GRIN2A: variants seen among roughly 807,000 people sequenced by gnomAD.
The protein encoded by GRIN2A is glutamate receptor ionotropic, NMDA 2A.
GRIN2A carries 22 observed loss-of-function variants against 113.4 expected under a neutral mutation model. The ratio of observed to expected loss-of-function variants is 0.19; its 90% CI spans 0.14 to 0.28. The LOEUF (loss-of-function observed/expected upper bound fraction) is 0.28, where lower values mean the gene tolerates loss of function less well. GRIN2A is among the 10% of genes least tolerant of loss of function. GRIN2A has a pLI of 1.00. For missense variants in GRIN2A, 1,502 were observed against 1,887.0 expected, an observed-to-expected ratio of 0.80 and a Z score of 3.78; for synonymous variants, 827 against 738.4, an observed-to-expected ratio of 1.12 and a Z score of -1.94.
At chr16:9,854,318 C>T (rs1049747792) in intron 4 of GRIN2A, among the ~76,000 whole-genome samples, 7 of 151,748 alleles carry the variant, frequency 4.6e-5, no homozygotes, top group Admixed American at 6.6e-5. Context: ...TGAGGGTGGC[C>T]GTCTGAATAG....
At chr16:10,156,272 G>C (rs2049692784) in intron 2 of GRIN2A, among the ~76,000 whole-genome samples, 1 of 152,208 alleles carries the variant, frequency 6.6e-6, no homozygotes, top group South Asian at 2.1e-4. Flanking sequence ...CCATAATGCT[G>C]GGCTGCCTGA....
intron 2 of GRIN2A, chr16:10,112,019 T>A: frequency 1.5e-6 from 1 of 648,474 alleles, no homozygotes; most frequent in Non-Finnish European, 2.8e-6. Flanking sequence ...TGGTCAATGA[T>A]CGCCATGAGC....
intron 5 of GRIN2A, among the ~76,000 whole-genome samples, chr16:9,847,832 T>C (rs1193616757): frequency 1.3e-5 from 2 of 148,420 alleles, no homozygotes; most frequent in Admixed American, 6.7e-5. Flanking sequence ...TTCCATGATG[T>C]ATTCAGGATT....
chr16:10,086,364 T>C (rs2048085090), intron 2 of GRIN2A, among the ~76,000 whole-genome samples: 1 of 151,994 alleles, frequency 6.6e-6, no homozygotes, highest in African/African-American at 2.4e-5. Context: ...CCAAAAATAA[T>C]TGTTCCTTGG....
At chr16:9,860,637 T>G (rs1302666170) in intron 4 of GRIN2A, among the ~76,000 whole-genome samples, 1 of 151,970 alleles carries the variant, frequency 6.6e-6, no homozygotes, top group African/African-American at 2.4e-5. Flanking sequence ...AGTGCAGAGA[T>G]AGAGTTTGTA....
intron 2 of GRIN2A, chr16:10,112,613 G>T (rs1026373460): frequency 1.1e-4 from 88 of 771,014 alleles, no homozygotes; most frequent in East Asian, 2.4e-4. Flanking sequence ...AGAAGTACTG[G>T]GGCATGGGCT....
chr16:10,112,953 C>T (rs923596832), intron 2 of GRIN2A: 1 of 375,168 alleles, frequency 2.7e-6, no homozygotes, highest in Non-Finnish European at 5.2e-6. Context: ...CAACCTCTCT[C>T]CATAACTGAG....
chr16:10,140,835 G>T (rs2049312785), intron 2 of GRIN2A, among the ~76,000 whole-genome samples: 1 of 152,180 alleles, frequency 6.6e-6, no homozygotes. Context: ...GAATAAAGAT[G>T]CAACACTTCT....
chr16:9,769,451 C>CTTTTTTTTTTTTTTTTTTTTGTT (rs1901126611), intron 11 of GRIN2A, among the ~76,000 whole-genome samples: 5 of 104,890 alleles, frequency 4.8e-5, no homozygotes, highest in South Asian at 3.9e-4. Context: ...GGAGTTTTGT[C>CTTTTTTTTTTTTTTTTTTTTGTT]TTTTTTTTTT....
intron 4 of GRIN2A, among the ~76,000 whole-genome samples, chr16:9,874,054 C>T (rs1053535669): frequency 9.9e-5 from 15 of 152,180 alleles, no homozygotes; most frequent in Non-Finnish European, 4.4e-5. Flanking sequence ...TTTTCCCCAA[C>T]TTTAGATTTT....
chr16:9,792,830 C>T (rs768217005), intron 11 of GRIN2A, among the ~76,000 whole-genome samples: 3 of 152,152 alleles, frequency 2.0e-5, no homozygotes, highest in East Asian at 1.9e-4. Flanking sequence ...CTGACCTGGC[C>T]GCCTGCAAAC....
intron 2 of GRIN2A, among the ~76,000 whole-genome samples, chr16:10,084,471 A>T (rs544848858): frequency 6.6e-6 from 1 of 152,334 alleles, no homozygotes; most frequent in African/African-American, 2.4e-5. Flanking sequence ...AGACAACCCC[A>T]GTCTCTGACC....
At chr16:10,049,400 C>T (rs1227188738) in intron 2 of GRIN2A, among the ~76,000 whole-genome samples, 1 of 151,270 alleles carries the variant, frequency 6.6e-6, no homozygotes, top group East Asian at 1.9e-4. Context: ...TTTTTCGAGA[C>T]AGAGTCTTGC....
intron 2 of GRIN2A, among the ~76,000 whole-genome samples, chr16:9,939,800 C>A (rs951709756): frequency 6.6e-6 from 1 of 152,122 alleles, no homozygotes; most frequent in Admixed American, 6.5e-5. Flanking sequence ...ACGTTGTTGA[C>A]TTGTGGACAT....
At chr16:10,053,330 T>C (rs1346104351) in intron 2 of GRIN2A, among the ~76,000 whole-genome samples, 6 of 152,230 alleles carry the variant, frequency 3.9e-5, no homozygotes, top group Non-Finnish European at 8.8e-5. Flanking sequence ...ATAATATATT[T>C]TGTTGAACAT....
At chr16:9,810,981 A>G (rs1301714750) in intron 10 of GRIN2A, among the ~76,000 whole-genome samples, 1 of 152,126 alleles carries the variant, frequency 6.6e-6, no homozygotes, top group African/African-American at 2.4e-5. Flanking sequence ...GAGGCTTTCC[A>G]TGGTCTGAGT....
rs2042015275 is a variant in GRIN2A at position 9,807,976 on chromosome 16, C to CACAACTCATGCT, written c.2169-9524_2169-9513dup. 5.3e-5 allele frequency among the ~76,000 whole-genome samples: 8 copies of CACAACTCATGCT among 152,248 alleles called. No homozygotes were observed. In the South Asian group the frequency reaches 1.7e-3, roughly 32 times the overall value. ...CTATGCGATGCTGTATTTTCTTCAC[C>CACAACTCATGCT]ACAACTCATGCTCTGACATAGGAAC... On this transcript the variant is annotated intron_variant, in intron 10 of 12. Coordinates refer to ENST00000330684, the MANE Select transcript of GRIN2A (RefSeq NM_001134407.3).
intron 2 of GRIN2A, among the ~76,000 whole-genome samples, chr16:9,997,165 T>C (rs956938201): frequency 2.6e-5 from 4 of 152,218 alleles, no homozygotes; most frequent in African/African-American, 9.6e-5. Flanking sequence ...AGCTCTGTCC[T>C]GAACTGGCCT....
chr16:9,893,820 C>T (rs1023910321), intron 3 of GRIN2A, among the ~76,000 whole-genome samples: 3 of 152,126 alleles, frequency 2.0e-5, no homozygotes, highest in Admixed American at 6.6e-5. Flanking sequence ...ATAGAGACGA[C>T]GGTCAAAGAA....
Sources: gnomAD v4.1 joint callset for allele counts (sites outside exome capture counted in the v4.1 genomes callset) on GRCh38, gnomAD v4.1.1 for gene constraint, MANE v1.5 for transcripts, NCBI Gene and HGNC (gene_info 2026-07-23, HGNC 2026-07-21) for gene names.